The following ENPEP variants were observed in gnomAD, a reference collection of about 807,000 sequenced individuals.
ENPEP encodes the protein glutamyl aminopeptidase, also known as AP-A.
A neutral mutation model predicts 114.5 loss-of-function variants in ENPEP; 103 were observed. The observed-to-expected ratio is 0.90, with a 90% CI of 0.77 to 1.06. ENPEP has a LOEUF of 1.06. ENPEP is among the 50% of genes least tolerant of loss of function. ENPEP has a pLI of 0.00. For synonymous variants in ENPEP, 420 were observed against 422.0 expected, an observed-to-expected ratio of 1.00 and a Z score of 0.06; for missense variants, 1,196 against 1,161.3, an observed-to-expected ratio of 1.03 and a Z score of -0.43.
rs745497811 is a variant in ENPEP at position 110,476,559 on chromosome 4, G to A, written c.145G>A (p.Gly49Ser). Residue 49 changes from glycine to serine, a missense_variant, in exon 1 of 20, where the codon GGC (glycine) becomes AGC (serine). Transcript: ENST00000265162. ...LTRSCDSSGD[G>S]GPGTAPAPSH... Reference sequence around the variant, plus strand: ...CAGATCGTGTGACTCCAGCGGGGACGGCGGGCCGGGCACTGCGCCAGCTCC... The same window carrying A: ...CAGATCGTGTGACTCCAGCGGGGACAGCGGGCCGGGCACTGCGCCAGCTCC... 3 of 1,612,830 alleles carry A rather than the reference G, an allele frequency of 1.9e-6. No individual in the cohort carries two copies. Among genetic ancestry groups the A allele is most frequent in the East Asian group, 4.5e-5 (2 of 44,854 alleles).
chr4:110,549,472 T>C, intron 15 of ENPEP, 53 bp downstream of exon 15: 1 of 1,612,786 alleles, frequency 6.2e-7, no homozygotes, highest in Non-Finnish European at 8.5e-7. Flanking sequence ...TTTTTTGTTT[T>C]AAGACTTGTT....
chr4:110,490,052 C>T (rs2110337686), intron 2 of ENPEP, among the ~76,000 whole-genome samples: 1 of 152,258 alleles, frequency 6.6e-6, no homozygotes, highest in African/African-American at 2.4e-5. Flanking sequence ...AAGTATGACA[C>T]ACCAATCTAG....
In ENPEP at chr4:110,549,389, G is replaced by A. The variant is rs1246067314; in HGVS notation, c.2195G>A (p.Gly732Glu). ...GQVKPIADSL[G>E]WNDAGDHVTK... The stretch of plus-strand genomic sequence containing the variant: ...GTGAAGCCTATTGCAGATTCTCTGG[G>A]ATGGAATGATGCTGGAGACCATGTC... The change falls in exon 15 of 20, where the codon GGA (glycine) becomes GAA (glutamate). Residue 732 changes from glycine (G) to glutamate (E), a missense_variant. Physicochemically the swap from Gly to Glu is moderately conservative, Grantham distance 98. Coordinates refer to ENST00000265162, the MANE Select transcript of ENPEP (RefSeq NM_001977.4). 1.9e-6 allele frequency: 3 copies of A among 1,613,256 alleles called. No individual in the cohort carries two copies. Among genetic ancestry groups the A allele is most frequent in the East Asian group, 2.2e-5 (1 of 44,854 alleles).
At position 110,549,572 on chromosome 4, in the gene ENPEP, A is replaced by G. The variant is rs1727208769; in HGVS notation, c.2270A>G (p.Asp757Gly). The G allele has an allele frequency of 1.2e-6, 2 of 1,613,550 alleles. No individual in the cohort carries two copies. The highest frequency in any genetic ancestry group is 1.7e-6 in the Non-Finnish European group (2 of 1,179,726). The part of the protein sequence containing the change: ...SVLGFACKMG[D>G]REALNNASSL... ...TTAGGGTTTGCGTGCAAGATGGGAG[A>G]CAGAGAAGCCTTGAACAATGCTTCC... Residue 757 changes from aspartate to glycine, a missense_variant, in exon 16 of 20, where the codon GAC becomes GGC. Coordinates refer to ENST00000265162, the MANE Select transcript of ENPEP (RefSeq NM_001977.4).
intron 1 of ENPEP, among the ~76,000 whole-genome samples, chr4:110,478,305 A>G (rs1578387404): frequency 6.6e-6 from 1 of 152,338 alleles, no homozygotes; most frequent in East Asian, 1.9e-4. Flanking sequence ...TGTAGGGGTC[A>G]TGCTTATATA....
rs748063943 is a variant in ENPEP at position 110,476,668 on chromosome 4, G to A, written c.254G>A (p.Ser85Asn). 12 of 1,613,772 alleles carry A rather than the reference G, an allele frequency of 7.4e-6. No individual in the cohort carries two copies. The highest frequency in any genetic ancestry group is 9.3e-6 in the Non-Finnish European group (11 of 1,180,052). Reference sequence around the variant, plus strand: ...ATCTGCCCGGCCAGTGAGGATGAGAGCGGACAGTGGAAAAACTTTCGACTG... The same window carrying A: ...ATCTGCCCGGCCAGTGAGGATGAGAACGGACAGTGGAAAAACTTTCGACTG... ...QDICPASEDESGQWKNFRLPD... is the reference protein window; with the variant it reads ...QDICPASEDENGQWKNFRLPD... The change falls in exon 1 of 20, where the codon AGC becomes AAC. Residue 85 changes from serine (S) to asparagine (N), a missense_variant. Transcript: ENST00000265162.
chr4:110,507,210 A>C (rs1311847969), intron 4 of ENPEP, among the ~76,000 whole-genome samples: 1 of 152,218 alleles, frequency 6.6e-6, no homozygotes, highest in Non-Finnish European at 1.5e-5. Context: ...TTGTTGTACA[A>C]GGCAAATTCT....
chr4:110,476,703 G>C lies in ENPEP; in HGVS notation c.289G>C (p.Val97Leu). The C allele has an allele frequency of 1.2e-6, 2 of 1,613,878 alleles. No individual in the cohort carries two copies. Among genetic ancestry groups the C allele is most frequent in the Non-Finnish European group, 1.7e-6 (2 of 1,180,040 alleles). Residue 97 changes from valine to leucine, a missense_variant, in exon 1 of 20, where the codon GTC becomes CTC. Physicochemically the swap from Val to Leu is conservative, Grantham distance 32 (BLOSUM62 1). Transcript: ENST00000265162. Reference sequence around the variant, plus strand: ...GAAAAACTTTCGACTGCCGGACTTCGTCAACCCAGTCCACTACGACCTGCA... The same window carrying C: ...GAAAAACTTTCGACTGCCGGACTTCCTCAACCCAGTCCACTACGACCTGCA... ...QWKNFRLPDF[V>L]NPVHYDLHVK...
At chr4:110,532,228 G>A (rs1242659569) in intron 11 of ENPEP, among the ~76,000 whole-genome samples, 1 of 152,106 alleles carries the variant, frequency 6.6e-6, no homozygotes, top group Non-Finnish European at 1.5e-5. Flanking sequence ...ACCACAGTCA[G>A]TTTTAGAAAC....
At chr4:110,507,750 C>A (rs528863994) in intron 4 of ENPEP, among the ~76,000 whole-genome samples, 1 of 152,150 alleles carries the variant, frequency 6.6e-6, no homozygotes, top group African/African-American at 2.4e-5. Context: ...CCCAGGCGGG[C>A]GGATCGCTTG....
intron 19 of ENPEP, among the ~76,000 whole-genome samples, chr4:110,560,894 A>G (rs568879663): frequency 6.6e-6 from 1 of 152,312 alleles, no homozygotes; most frequent in South Asian, 2.1e-4. Context: ...TTATTTTTAT[A>G]GCAAATAATC....
intron 10 of ENPEP, among the ~76,000 whole-genome samples, chr4:110,528,538 G>T (rs545486042): frequency 6.6e-6 from 1 of 152,258 alleles, no homozygotes; most frequent in East Asian, 1.9e-4. Context: ...AATAATCCAA[G>T]ATTAGGGAAT....
intron 2 of ENPEP, among the ~76,000 whole-genome samples, chr4:110,490,017 G>A (rs537385251): frequency 4.6e-5 from 7 of 152,286 alleles, no homozygotes; most frequent in Non-Finnish European, 1.0e-4. Flanking sequence ...TTTGATTGGA[G>A]AAGAAAGAGG....
intron 1 of ENPEP, among the ~76,000 whole-genome samples, chr4:110,479,397 T>G (rs900755629): frequency 3.9e-5 from 6 of 152,124 alleles, no homozygotes; most frequent in African/African-American, 7.2e-5. Flanking sequence ...TGTAAATAAC[T>G]ATTTATGGAC....
chr4:110,561,768 T>C lies in ENPEP; in HGVS notation c.*210T>C, dbSNP rs1727688436. ...ATAGAGTACTTAATATACTCAGGGATTCCTTCTAAGTGTACTTCATAAGAT... is the reference window on the plus strand; with the variant it reads ...ATAGAGTACTTAATATACTCAGGGACTCCTTCTAAGTGTACTTCATAAGAT... On this transcript the variant is annotated 3_prime_UTR_variant, in exon 20 of 20. Transcript: ENST00000265162. 3 of 437,382 alleles carry C rather than the reference T, an allele frequency of 6.9e-6. No homozygotes were observed. The East Asian group carries it at 1.2e-4, about 17-fold the overall frequency. 27.1% of individuals were successfully genotyped at this position (437,382 alleles called of 1,614,324 possible). A position where few individuals can be genotyped will look rare whatever the true frequency, so the allele number is the denominator to read the frequency against.
chr4:110,531,809 C>T (rs1726415449), intron 11 of ENPEP, among the ~76,000 whole-genome samples: 1 of 152,076 alleles, frequency 6.6e-6, no homozygotes, highest in Non-Finnish European at 1.5e-5. Context: ...ATAGATAAGG[C>T]AAGCTTTAGC....
chr4:110,497,002 G>A (rs1030555912), intron 3 of ENPEP, among the ~76,000 whole-genome samples: 1 of 152,176 alleles, frequency 6.6e-6, no homozygotes, highest in Non-Finnish European at 1.5e-5. Flanking sequence ...CTGGAGGGAG[G>A]AGTCACAAAG....
chr4:110,513,848 TATTTG>T (rs1725667652), intron 7 of ENPEP, among the ~76,000 whole-genome samples: 1 of 152,200 alleles, frequency 6.6e-6, no homozygotes, highest in Non-Finnish European at 1.5e-5. Flanking sequence ...CAAATTGTTT[TATTTG>T]ATTTTTTAAA....
rs1204777222 is a variant in ENPEP, at chr4:110,506,648, T to C, written c.930T>C (p.Tyr310=). 1 of 1,603,660 alleles carries C rather than the reference T, an allele frequency of 6.2e-7. No homozygotes were observed. The change falls in exon 4 of 20, where the codon TAT becomes TAC. Residue 310 remains tyrosine (Y), a synonymous_variant. Transcript: ENST00000265162. ...GTTTTGTTTAATAGCTTACAATTTA[T>C]GTCCAGCCAGAGCAAAAGCACACAG... ...ISNSGKPLTI[Y]VQPEQKHTAE...
Sources: allele counts gnomAD v4.1 joint callset (sites outside exome capture counted in the v4.1 genomes callset), GRCh38; gene constraint gnomAD v4.1.1; transcripts MANE v1.5; gene names NCBI Gene and HGNC (gene_info 2026-07-23, HGNC 2026-07-21).